NUDCD1: variants seen among roughly 807,000 people sequenced by gnomAD.
The protein encoded by NUDCD1 is nudC domain-containing protein 1.
Under a neutral mutation model 67.8 loss-of-function variants are expected in NUDCD1, and 60 were observed. The observed-to-expected ratio is 0.88, with a 90% confidence interval of 0.72 to 1.10. The LOEUF is 1.10. Among genes scored for constraint, NUDCD1 ranks in the 50% least tolerant of loss-of-function variants. NUDCD1 has a pLI of 0.00. For synonymous variants in NUDCD1, 244 were observed against 230.8 expected (o/e 1.06, Z -0.52); for missense variants, 643 against 695.0 (o/e 0.93, Z 0.84).
chr8:109,258,842 T>C (rs1813800241), intron 8 of NUDCD1, among the ~76,000 whole-genome samples: 1 of 152,072 alleles, frequency 6.6e-6, no homozygotes, highest in Non-Finnish European at 1.5e-5. Context: ...CAGAGGAGAA[T>C]GAAAGGCAAA....
intron 8 of NUDCD1, among the ~76,000 whole-genome samples, chr8:109,254,035 TCTGA>T (rs1472917181): frequency 6.6e-6 from 1 of 152,148 alleles, no homozygotes; most frequent in Non-Finnish European, 1.5e-5. Flanking sequence ...AACTATTTAT[TCTGA>T]CTGTGAACAA....
rs78540511 is a variant in NUDCD1, at chr8:109,297,535, C to T, written c.274-966G>A. On this transcript the variant is annotated intron_variant, in intron 2 of 9. Coordinates refer to ENST00000239690, the MANE Select transcript of NUDCD1 (RefSeq NM_032869.4). ...GGGAGTTTGTCTCTTTTTCCCCCTCCGCCTTCTGTCATGTGAGGACGTATT... is the reference window on the plus strand; with the variant it reads ...GGGAGTTTGTCTCTTTTTCCCCCTCTGCCTTCTGTCATGTGAGGACGTATT... Among the ~76,000 whole-genome samples, 1,172 of 152,210 alleles carry T rather than the reference C, an allele frequency of 7.7e-3. 15 individuals are homozygous for T. Among genetic ancestry groups the T allele is most frequent in the African/African-American group, 0.027 (1,123 of 41,546 alleles).
At chr8:109,299,888 A>G (rs944114427) in intron 2 of NUDCD1, among the ~76,000 whole-genome samples, 3 of 152,220 alleles carry the variant, frequency 2.0e-5, no homozygotes, top group African/African-American at 7.2e-5. Flanking sequence ...AGGTGCTGGT[A>G]TCCATGGCTG....
chr8:109,288,217 A>G (rs1027379983), intron 5 of NUDCD1, among the ~76,000 whole-genome samples: 1 of 152,220 alleles, frequency 6.6e-6, no homozygotes, highest in Non-Finnish European at 1.5e-5. Context: ...CATCAAGGAA[A>G]ACAATACCTG....
In NUDCD1 at chr8:109,311,490, T is replaced by C. The variant is rs552461533; in HGVS notation, c.273+10819A>G. Among the ~76,000 whole-genome samples the C allele has an allele frequency of 2.0e-5, 3 of 150,332 alleles. No homozygotes were observed. In the East Asian group the frequency reaches 5.8e-4, roughly 29 times the overall value. Reference sequence around the variant, plus strand: ...TCCACACACGTTTATAGCAGCACAATTCACAACTGCAAAAAGTGGAACCAA... The same window carrying C: ...TCCACACACGTTTATAGCAGCACAACTCACAACTGCAAAAAGTGGAACCAA... On this transcript the variant is annotated intron_variant, in intron 2 of 9. Transcript: ENST00000239690.
chr8:109,280,760 C>T, intron 6 of NUDCD1, among the ~76,000 whole-genome samples: 1 of 152,114 alleles, frequency 6.6e-6, no homozygotes, highest in East Asian at 1.9e-4. Flanking sequence ...CTACCATATT[C>T]TCCAAGTGAT....
At chr8:109,264,169 A>T (rs1813934649) in intron 8 of NUDCD1, among the ~76,000 whole-genome samples, 1 of 152,172 alleles carries the variant, frequency 6.6e-6, no homozygotes, top group Non-Finnish European at 1.5e-5. Context: ...CTGTTTTTTC[A>T]TGGAACATCA....
At chr8:109,317,661 T>C (rs1419497683) in intron 2 of NUDCD1, among the ~76,000 whole-genome samples, 1 of 152,216 alleles carries the variant, frequency 6.6e-6, no homozygotes, top group Non-Finnish European at 1.5e-5. Context: ...TTATGATTTA[T>C]TCTTATCATA....
chr8:109,241,110 A>G lies in NUDCD1; in HGVS notation c.*1899T>C, dbSNP rs1252468117. The G allele has an allele frequency of 6.6e-6, 1 of 152,126 alleles. No homozygotes were observed. The highest frequency in any genetic ancestry group is 1.5e-5 in the Non-Finnish European group (1 of 68,008). 9.4% of individuals were successfully genotyped at this position (152,126 alleles called of 1,614,324 possible). On this transcript the variant is annotated 3_prime_UTR_variant, in exon 10 of 10. Coordinates refer to ENST00000239690, the MANE Select transcript of NUDCD1 (RefSeq NM_032869.4). ...TATGGAATCCCTGAAGCATTTCAGG[A>G]AAATAGCTTGAAATCACGGCTCTAG...
At chr8:109,299,443 T>C (rs1296119805) in intron 2 of NUDCD1, among the ~76,000 whole-genome samples, 11 of 152,054 alleles carry the variant, frequency 7.2e-5, no homozygotes. Context: ...GCCCCTCGGA[T>C]TGCATGGGAA....
Position 109,245,420 on chromosome 8 carries a change from C to T in NUDCD1, c.1361G>A (p.Cys454Tyr), listed in dbSNP as rs1042782466. The T allele has an allele frequency of 2.5e-6, 4 of 1,613,568 alleles. No homozygotes were observed. The highest frequency in any genetic ancestry group is 3.4e-6 in the Non-Finnish European group (4 of 1,179,824). ...SVIVDPKEMP[C>Y]FCLRHDVDAL... ...ATCAACATCATGGCGCAAACAGAAG[C>T]AGGGCATTTCTTTAGGATCCACTAT... Residue 454 changes from cysteine to tyrosine, a missense_variant, in exon 9 of 10, where the codon TGC (cysteine) becomes TAC (tyrosine). Transcript: ENST00000239690.
At chr8:109,296,024 C>G (rs1045384220) in intron 3 of NUDCD1, among the ~76,000 whole-genome samples, 6 of 152,074 alleles carry the variant, frequency 3.9e-5, no homozygotes, top group Admixed American at 3.9e-4. Context: ...CCCAGCAAAT[C>G]TAACATAATG....
chr8:109,308,010 C>A (rs1219062018), intron 2 of NUDCD1, among the ~76,000 whole-genome samples: 5 of 152,106 alleles, frequency 3.3e-5, no homozygotes. Flanking sequence ...AGATAGACAG[C>A]AACACAATAA....
rs761946332 is a variant in NUDCD1, at chr8:109,243,178, G to A, written c.1583C>T (p.Thr528Ile). Residue 528 changes from threonine to isoleucine, a missense_variant, in exon 10 of 10, where the codon ACT (threonine) becomes ATT (isoleucine). Physicochemically the swap from Thr to Ile is moderately conservative, Grantham distance 89 (BLOSUM62 -1). Transcript: ENST00000239690. ...GCCTTCCTTTCTGTTGTAAAGTACA[G>A]TGGACATGGGAGCAGGCTGACGATA... ...FIYRQPAPMS[T>I]VLYNRKEGRQ... 1.9e-6 allele frequency: 3 copies of A among 1,613,876 alleles called. No individual in the cohort carries two copies. The highest frequency in any genetic ancestry group is 2.5e-6 in the Non-Finnish European group (3 of 1,179,838).
intron 8 of NUDCD1, among the ~76,000 whole-genome samples, chr8:109,247,571 A>G (rs1381023443): frequency 6.6e-6 from 1 of 152,202 alleles, no homozygotes; most frequent in East Asian, 1.9e-4. Flanking sequence ...TACCTTACGC[A>G]TATTTCCATT....
chr8:109,264,875 AG>A (rs1813957439), intron 8 of NUDCD1, among the ~76,000 whole-genome samples: 1 of 151,912 alleles, frequency 6.6e-6, no homozygotes. Context: ...ACTCTGGAAA[AG>A]ATCCCAATTT....
At chr8:109,249,311 T>C (rs1813570829) in intron 8 of NUDCD1, among the ~76,000 whole-genome samples, 1 of 152,226 alleles carries the variant, frequency 6.6e-6, no homozygotes, top group Non-Finnish European at 1.5e-5. Context: ...ATTAATGGCA[T>C]TTCAAATTTT....
intron 6 of NUDCD1, among the ~76,000 whole-genome samples, chr8:109,277,595 G>A (rs1418294902): frequency 2.0e-5 from 3 of 152,130 alleles, no homozygotes; most frequent in Non-Finnish European, 4.4e-5. Flanking sequence ...AGAAAATCGT[G>A]TTTTTAAAAC....
At chr8:109,307,923 C>T (rs1015939235) in intron 2 of NUDCD1, among the ~76,000 whole-genome samples, 2 of 152,136 alleles carry the variant, frequency 1.3e-5, no homozygotes, top group East Asian at 1.9e-4. Context: ...AGGAAAATAC[C>T]ACAATCCTAA....
Sources: gnomAD v4.1 joint callset for allele counts (sites outside exome capture counted in the v4.1 genomes callset) on GRCh38, gnomAD v4.1.1 for gene constraint, MANE v1.5 for transcripts, NCBI Gene and HGNC (gene_info 2026-07-23, HGNC 2026-07-21) for gene names.